Variants in CNTNAP4 observed in about 807,000 individuals in gnomAD.
CNTNAP4 encodes the protein contactin-associated protein-like 4.
Under a neutral mutation model 148.4 loss-of-function variants are expected in CNTNAP4, and 98 were observed. The ratio of observed to expected loss-of-function variants is 0.66; its 90% confidence interval spans 0.56 to 0.78. The LOEUF is 0.78. Ranked by LOEUF, CNTNAP4 falls within the 30% of genes least tolerant of loss-of-function variation. The pLI is 0.00. For missense variants in CNTNAP4, 1,935 were observed against 1,565.6 expected (o/e 1.24, Z -3.98); for synonymous variants, 730 against 565.1 (o/e 1.29, Z -4.14).
rs1436724753 is a variant in CNTNAP4, at chr16:76,447,934, C to G, written c.539-78C>G. ...TATGAGTACGTATACTGCCTTTTCT[C>G]AATATATAATGCATTTAAAATGATT... is the stretch of plus-strand genomic sequence containing the variant. On this transcript the variant is annotated intron_variant, in intron 4 of 23. Coordinates refer to ENST00000611870, the MANE Select transcript of CNTNAP4 (RefSeq NM_033401.5). The G allele has an allele frequency of 3.3e-5, 34 of 1,044,922 alleles. No individual in the cohort carries two copies. In the Admixed American group the frequency reaches 6.8e-4, roughly 21 times the overall value. The allele number at this position is 1,044,922 out of a possible 1,614,324, so 64.7% of individuals were successfully genotyped here.
intron 3 of CNTNAP4, among the ~76,000 whole-genome samples, chr16:76,421,631 TA>T (rs2079193950): frequency 1.3e-5 from 2 of 152,136 alleles, no homozygotes; most frequent in South Asian, 2.1e-4. Context: ...ATCATAAAAT[TA>T]AAAAGTGATT....
At chr16:76,382,290 A>G (rs2016063896) in intron 3 of CNTNAP4, among the ~76,000 whole-genome samples, 2 of 152,124 alleles carry the variant, frequency 1.3e-5, no homozygotes, top group Admixed American at 1.3e-4. Flanking sequence ...TGTTTATTTC[A>G]ACTATTAAGT....
At chr16:76,362,669 C>T (rs897162648) in intron 3 of CNTNAP4, among the ~76,000 whole-genome samples, 1 of 152,162 alleles carries the variant, frequency 6.6e-6, no homozygotes, top group African/African-American at 2.4e-5. Flanking sequence ...AAACCAAATA[C>T]TGCATGTTCT....
intron 22 of CNTNAP4, 40 bp from the exon 23 acceptor site, chr16:76,553,796 G>T: frequency 7.7e-7 from 1 of 1,299,430 alleles, no homozygotes; most frequent in Non-Finnish European, 1.1e-6. Context: ...TCTTTTACTT[G>T]CCTATATCAC....
At chr16:76,331,521 G>T (rs994000644) in intron 2 of CNTNAP4, among the ~76,000 whole-genome samples, 6 of 149,540 alleles carry the variant, frequency 4.0e-5, no homozygotes, top group Non-Finnish European at 5.9e-5. Flanking sequence ...TTTTTTCTTA[G>T]TGATTACTTT....
chr16:76,406,865 CA>C (rs2078615176), intron 3 of CNTNAP4, among the ~76,000 whole-genome samples: 1 of 152,106 alleles, frequency 6.6e-6, no homozygotes, highest in African/African-American at 2.4e-5. Context: ...CATAGAAGTA[CA>C]AGGTGAAGCA....
intron 3 of CNTNAP4, among the ~76,000 whole-genome samples, chr16:76,405,645 C>T (rs932718613): frequency 6.6e-5 from 10 of 151,964 alleles, no homozygotes; most frequent in East Asian, 5.8e-4. Context: ...TCATTGTCTT[C>T]GTGTTGAGTA....
At chr16:76,347,440 G>C (rs1965002479) in intron 2 of CNTNAP4, among the ~76,000 whole-genome samples, 1 of 152,114 alleles carries the variant, frequency 6.6e-6, no homozygotes, top group Admixed American at 6.5e-5. Flanking sequence ...GTCTCATAGA[G>C]CTTGTATTCT....
chr16:76,496,062 A>G (rs952215960), intron 14 of CNTNAP4, among the ~76,000 whole-genome samples: 1 of 143,350 alleles, frequency 7.0e-6, no homozygotes, highest in African/African-American at 2.6e-5. Flanking sequence ...AGATTATGTT[A>G]TATCATAAAC....
At position 76,514,326 on chromosome 16, in the gene CNTNAP4, G is replaced by A. The variant is rs529096433; in HGVS notation, c.2366-6814G>A. On this transcript the variant is annotated intron_variant, in intron 15 of 23. Transcript: ENST00000611870. ...TAATTGGATGTTGCTCCAAAATTCT[G>A]TTCTTCCAGTTTCTTCTAAAATAAA... 2.3e-3 allele frequency among the ~76,000 whole-genome samples: 350 copies of A among 152,186 alleles called. 1 individual carries two copies. Among genetic ancestry groups the A allele is most frequent in the Non-Finnish European group, 4.0e-3 (272 of 67,980 alleles).
intron 3 of CNTNAP4, among the ~76,000 whole-genome samples, chr16:76,368,820 T>TA (rs1241052603): frequency 6.6e-6 from 1 of 151,938 alleles, no homozygotes; most frequent in African/African-American, 2.4e-5. Flanking sequence ...TTAAGTATAA[T>TA]AAAAAAATAA....
At chr16:76,380,202 G>C (rs932944141) in intron 3 of CNTNAP4, among the ~76,000 whole-genome samples, 2 of 152,164 alleles carry the variant, frequency 1.3e-5, no homozygotes, top group African/African-American at 4.8e-5. Context: ...TTTTGAATAA[G>C]ATATAATAAC....
At chr16:76,433,937 T>C (rs990897161) in intron 4 of CNTNAP4, among the ~76,000 whole-genome samples, 4 of 151,982 alleles carry the variant, frequency 2.6e-5, no homozygotes, top group African/African-American at 9.7e-5. Flanking sequence ...AATTCTCTAA[T>C]TCTTTGCAAA....
intron 2 of CNTNAP4, among the ~76,000 whole-genome samples, chr16:76,336,711 G>A (rs1384875543): frequency 2.0e-5 from 3 of 152,268 alleles, no homozygotes; most frequent in Admixed American, 2.0e-4. Flanking sequence ...ATGGTGTACA[G>A]CAACTAGGTG....
chr16:76,449,789 A>G lies in CNTNAP4; in HGVS notation c.1002A>G (p.Glu334=), dbSNP rs1338589978. ...ATAGAAATTTTCATGGATGTTTAGA[A>G]AATCTCTATTATAATGGAGTGGATA... is the stretch of plus-strand genomic sequence containing the variant. ...FPHRNFHGCL[E]NLYYNGVDII... is the part of the protein sequence containing the mutation. The change falls in exon 7 of 24, where the codon GAA becomes GAG. Residue 334 remains glutamate, a synonymous_variant. Transcript: ENST00000611870. The G allele has an allele frequency of 1.9e-6, 3 of 1,601,302 alleles. No homozygotes were observed. In the African/African-American group the frequency reaches 4.0e-5, roughly 21 times the overall value.
chr16:76,484,476 C>G (rs1330377457), intron 12 of CNTNAP4, among the ~76,000 whole-genome samples: 3 of 152,046 alleles, frequency 2.0e-5, no homozygotes, highest in Non-Finnish European at 4.4e-5. Context: ...GGAACATATT[C>G]AAACAAAAGT....
chr16:76,551,247 C>A (rs936967856), intron 21 of CNTNAP4, among the ~76,000 whole-genome samples: 1 of 152,026 alleles, frequency 6.6e-6, no homozygotes. Flanking sequence ...TCCATCTCTA[C>A]TAAAAATACA....
intron 21 of CNTNAP4, among the ~76,000 whole-genome samples, chr16:76,550,052 G>T (rs2084898640): frequency 6.6e-6 from 1 of 152,094 alleles, no homozygotes; most frequent in Non-Finnish European, 1.5e-5. Flanking sequence ...TACAAATTTT[G>T]AAAAAGAAGT....
At chr16:76,297,270 C>A (rs1373211810) in intron 1 of CNTNAP4, among the ~76,000 whole-genome samples, 2 of 152,078 alleles carry the variant, frequency 1.3e-5, no homozygotes, top group Non-Finnish European at 2.9e-5. Flanking sequence ...TGCTTGAAAC[C>A]AATACACATG....
Sources: gnomAD v4.1 joint callset for allele counts (sites outside exome capture counted in the v4.1 genomes callset) on GRCh38, gnomAD v4.1.1 for gene constraint, MANE v1.5 for transcripts, NCBI Gene and HGNC (gene_info 2026-07-23, HGNC 2026-07-21) for gene names.